Variants in SLC35F2 observed in about 807,000 individuals in gnomAD.
SLC35F2 encodes solute carrier family 35 member F2.
A neutral mutation model predicts 38.1 loss-of-function variants in SLC35F2; 25 were observed. The observed-to-expected ratio is 0.66, with a 90% confidence interval of 0.48 to 0.92. The LOEUF (loss-of-function observed/expected upper bound fraction) is 0.92. Among genes scored for constraint, SLC35F2 ranks in the 40% least tolerant of loss-of-function variants. The probability of loss-of-function intolerance (pLI) is 0.00; values close to 1 mark genes in which losing one functional copy is unlikely to be tolerated. For synonymous variants in SLC35F2, 173 were observed against 181.7 expected (o/e 0.95, Z 0.38); for missense variants, 409 against 452.9 (o/e 0.90, Z 0.88).
At chr11:107,829,138 A>G (rs181326664) in intron 1 of SLC35F2, among the ~76,000 whole-genome samples, 13 of 129,408 alleles carry the variant, frequency 1.0e-4, no homozygotes, top group African/African-American at 3.3e-4. Context: ...AAAAAAAAAG[A>G]AAAAAAAAAA....
At chr11:107,817,561 C>T (rs1366682929) in intron 1 of SLC35F2, among the ~76,000 whole-genome samples, 4 of 152,126 alleles carry the variant, frequency 2.6e-5, no homozygotes, top group South Asian at 2.1e-4. Flanking sequence ...TAAAACCTTT[C>T]GGTGGCTGGT....
chr11:107,858,586 T>C, intron 1 of SLC35F2, 72 bp downstream of exon 1: 1 of 1,219,520 alleles, frequency 8.2e-7, no homozygotes, highest in Non-Finnish European at 1.0e-6. Flanking sequence ...GTGTGCTCCT[T>C]GTCCACGTGC....
intron 3 of SLC35F2, chr11:107,809,712 T>C (rs907947278): frequency 5.1e-6 from 5 of 981,812 alleles, no homozygotes; most frequent in South Asian, 4.7e-5. Flanking sequence ...TTAAAAATTA[T>C]TGTATAGTCA....
rs543142740 is a variant in SLC35F2 at position 107,832,307 on chromosome 11, C to T, written c.111-16342G>A. 3.9e-5 allele frequency among the ~76,000 whole-genome samples: 6 copies of T among 152,252 alleles called. No individual in the cohort carries two copies. The South Asian group carries it at 1.2e-3, about 32-fold the overall frequency. On this transcript the variant is annotated intron_variant, in intron 1 of 7. Coordinates refer to ENST00000525815, the MANE Select transcript of SLC35F2 (RefSeq NM_017515.5). The stretch of plus-strand genomic sequence containing the variant: ...GTTCCCGGAACTGGTTTATTCTATT[C>T]TGAATCTACGAGAACAAGAAAAGGC...
chr11:107,843,846 TAAAAAAAAAAAA>T (rs780744909), intron 1 of SLC35F2, among the ~76,000 whole-genome samples: 36 of 45,196 alleles, frequency 8.0e-4, no homozygotes, highest in African/African-American at 3.9e-3. Context: ...CTCTGTATCT[TAAAAAAAAAAAA>T]AAAAAAAAAA....
chr11:107,841,891 C>T (rs925741649), intron 1 of SLC35F2, among the ~76,000 whole-genome samples: 4 of 151,680 alleles, frequency 2.6e-5, no homozygotes, highest in East Asian at 2.0e-4. Context: ...AGTGAAACCC[C>T]GTTTCTACTA....
intron 1 of SLC35F2, among the ~76,000 whole-genome samples, chr11:107,829,270 T>C (rs1859799593): frequency 6.6e-6 from 1 of 151,798 alleles, no homozygotes; most frequent in Non-Finnish European, 1.5e-5. Flanking sequence ...AGTACAAAAA[T>C]TAGCCAGGCA....
chr11:107,818,539 G>GT (rs1859619334), intron 1 of SLC35F2, among the ~76,000 whole-genome samples: 1 of 152,148 alleles, frequency 6.6e-6, no homozygotes, highest in South Asian at 2.1e-4. Flanking sequence ...TAATATTTAT[G>GT]TAAGTATCCC....
chr11:107,853,800 C>T (rs1860231635), intron 1 of SLC35F2, among the ~76,000 whole-genome samples: 1 of 148,166 alleles, frequency 6.7e-6, no homozygotes, highest in African/African-American at 2.5e-5. Context: ...CATGATAAAA[C>T]TCATGCCCTT....
intron 1 of SLC35F2, among the ~76,000 whole-genome samples, chr11:107,818,136 A>AAAGAAAGAAAGAAAG (rs781015500): frequency 9.9e-5 from 14 of 141,428 alleles, no homozygotes; most frequent in Non-Finnish European, 2.1e-4. Flanking sequence ...AAGAAAGAAA[A>AAAGAAAGAAAGAAAG]AGAAACAATT....
At chr11:107,825,832 G>A (rs184430349) in intron 1 of SLC35F2, among the ~76,000 whole-genome samples, 36 of 152,206 alleles carry the variant, frequency 2.4e-4, no homozygotes, top group Admixed American at 1.4e-3. Context: ...GGCTGTTCAG[G>A]ATCTGTTTTT....
At chr11:107,822,071 A>G (rs1478133436) in intron 1 of SLC35F2, among the ~76,000 whole-genome samples, 2 of 152,116 alleles carry the variant, frequency 1.3e-5, no homozygotes, top group East Asian at 1.9e-4. Context: ...AACCCCATAT[A>G]TTTTGGAAAA....
chr11:107,817,131 C>T (rs968189528), intron 1 of SLC35F2, among the ~76,000 whole-genome samples: 1 of 151,778 alleles, frequency 6.6e-6, no homozygotes, highest in African/African-American at 2.4e-5. Flanking sequence ...CAAACATTAG[C>T]GGGGTGTGGT....
chr11:107,792,958 C>A (rs1253817099), intron 7 of SLC35F2, 158 bp from the exon 8 acceptor site: 1 of 972,498 alleles, frequency 1.0e-6, no homozygotes, highest in Non-Finnish European at 1.2e-6. Context: ...GCTCTGTGGC[C>A]CAGGCTGGAG....
intron 3 of SLC35F2, among the ~76,000 whole-genome samples, chr11:107,808,478 C>G (rs1054066944): frequency 2.0e-5 from 3 of 152,154 alleles, no homozygotes; most frequent in African/African-American, 7.2e-5. Flanking sequence ...GAAATATATT[C>G]CTTATACCAG....
chr11:107,837,593 C>T lies in SLC35F2; in HGVS notation c.110+21065G>A, dbSNP rs61481759. 7.0e-3 allele frequency among the ~76,000 whole-genome samples: 1,059 copies of T among 151,444 alleles called. 10 individuals carry two copies. Among genetic ancestry groups the T allele is most frequent in the African/African-American group, 0.025 (1,016 of 41,206 alleles). On this transcript the variant is annotated intron_variant, in intron 1 of 7. Transcript: ENST00000525815. Reference sequence around the variant, plus strand: ...CCTGTAATCCCAGCTACTCGGGAGGCTGACGCAGGAGAATCAGTTGAACCT... The same window carrying T: ...CCTGTAATCCCAGCTACTCGGGAGGTTGACGCAGGAGAATCAGTTGAACCT...
intron 7 of SLC35F2, among the ~76,000 whole-genome samples, chr11:107,798,782 A>C (rs1297075304): frequency 6.6e-6 from 1 of 152,138 alleles, no homozygotes; most frequent in Non-Finnish European, 1.5e-5. Context: ...TGCCTTTAAA[A>C]ACTACTTCTT....
Position 107,804,750 on chromosome 11 carries a change from T to A in SLC35F2, c.752A>T (p.Asp251Val). Residue 251 changes from aspartate to valine, a missense_variant, in exon 6 of 8, where the codon GAT becomes GTT. Coordinates refer to ENST00000525815, the MANE Select transcript of SLC35F2 (RefSeq NM_017515.5). ...GIQLLIVEYKDIASIHWDWKI... is the reference protein window; with the variant it reads ...GIQLLIVEYKVIASIHWDWKI... Reference sequence around the variant, plus strand: ...CCAGTCCCAATGAATGCTGGCAATATCCTTATATTCCACAATCAATCTAAG... The same window carrying A: ...CCAGTCCCAATGAATGCTGGCAATAACCTTATATTCCACAATCAATCTAAG... 1 of 1,607,512 alleles carries A rather than the reference T, an allele frequency of 6.2e-7. No individual in the cohort carries two copies. Among genetic ancestry groups the A allele is most frequent in the Non-Finnish European group, 8.5e-7 (1 of 1,177,688 alleles).
At chr11:107,822,892 A>C (rs1319934124) in intron 1 of SLC35F2, among the ~76,000 whole-genome samples, 1 of 152,158 alleles carries the variant, frequency 6.6e-6, no homozygotes, top group South Asian at 2.1e-4. Context: ...GGAATGCAGG[A>C]AAGGCCATAA....
Sources: gnomAD v4.1 joint callset for allele counts (sites outside exome capture counted in the v4.1 genomes callset) on GRCh38, gnomAD v4.1.1 for gene constraint, MANE v1.5 for transcripts, NCBI Gene and HGNC (gene_info 2026-07-23, HGNC 2026-07-21) for gene names.